The following SNX29 variants were observed in gnomAD, a reference collection of about 807,000 sequenced individuals.
SNX29 encodes the protein sorting nexin 29.
In SNX29, 78 loss-of-function variants were observed where a neutral mutation model predicts 102.1. The ratio of observed to expected loss-of-function variants is 0.76; its 90% CI spans 0.64 to 0.92. SNX29 has a LOEUF of 0.92. Among genes scored for constraint, SNX29 ranks in the 40% least tolerant of loss-of-function variants. The pLI is 0.00. For synonymous variants in SNX29, 580 were observed against 414.5 expected, an observed-to-expected ratio of 1.40 and a Z score of -4.85; for missense variants, 1,280 against 1,061.7, an observed-to-expected ratio of 1.21 and a Z score of -2.86.
intron 19 of SNX29, among the ~76,000 whole-genome samples, chr16:12,486,631 G>C (rs1403296560): frequency 6.6e-6 from 1 of 152,246 alleles, no homozygotes; most frequent in African/African-American, 2.4e-5. Flanking sequence ...GTCGGCTGTA[G>C]AGGATCCTGG....
At chr16:12,022,113 A>G (rs2057043410) in intron 3 of SNX29, among the ~76,000 whole-genome samples, 1 of 146,636 alleles carries the variant, frequency 6.8e-6, no homozygotes, top group Non-Finnish European at 1.5e-5. Context: ...TTTTTTTTAA[A>G]CAGCTTTATT....
At chr16:12,014,232 A>C (rs1462442191) in intron 3 of SNX29, among the ~76,000 whole-genome samples, 2 of 152,106 alleles carry the variant, frequency 1.3e-5, no homozygotes, top group Non-Finnish European at 2.9e-5. Flanking sequence ...TCACGCCTGC[A>C]TCCAGGGGCT....
At chr16:12,004,184 A>G (rs1167328665) in intron 3 of SNX29, among the ~76,000 whole-genome samples, 3 of 151,880 alleles carry the variant, frequency 2.0e-5, no homozygotes, top group Non-Finnish European at 2.9e-5. Flanking sequence ...TACTAAAAAT[A>G]CAAAAAATTA....
chr16:12,459,506 G>C (rs1397184951), intron 18 of SNX29, among the ~76,000 whole-genome samples: 2 of 152,204 alleles, frequency 1.3e-5, no homozygotes, highest in East Asian at 3.9e-4. Context: ...AGAAGAGGAA[G>C]TGGATGGCAG....
intron 8 of SNX29, among the ~76,000 whole-genome samples, chr16:12,060,149 A>AT (rs1436860913): frequency 1.3e-5 from 2 of 152,186 alleles, no homozygotes. Context: ...ATTACCAAAA[A>AT]AAAACCAATA....
At chr16:12,490,715 A>G (rs561370940) in intron 19 of SNX29, among the ~76,000 whole-genome samples, 12 of 152,370 alleles carry the variant, frequency 7.9e-5, no homozygotes, top group African/African-American at 2.9e-4. Context: ...CTGTGTTCCC[A>G]CCACACCAAA....
chr16:12,011,015 G>T (rs1014988429), intron 3 of SNX29, among the ~76,000 whole-genome samples: 1 of 151,942 alleles, frequency 6.6e-6, no homozygotes, highest in Non-Finnish European at 1.5e-5. Context: ...CTAGTTTGAG[G>T]TGTTGACTGG....
chr16:12,282,339 A>G (rs747643559), intron 15 of SNX29, among the ~76,000 whole-genome samples: 4 of 152,212 alleles, frequency 2.6e-5, no homozygotes, highest in Non-Finnish European at 5.9e-5. Flanking sequence ...TGGTGGGGAC[A>G]TCACAAACCC....
intron 18 of SNX29, among the ~76,000 whole-genome samples, chr16:12,414,958 A>C (rs898532810): frequency 2.2e-4 from 33 of 152,228 alleles, no homozygotes; most frequent in African/African-American, 6.5e-4. Context: ...CCTAACCTCA[A>C]ATGATCCACC....
intron 13 of SNX29, among the ~76,000 whole-genome samples, chr16:12,154,773 A>G (rs1301403056): frequency 3.3e-5 from 5 of 152,202 alleles, no homozygotes; most frequent in African/African-American, 1.2e-4. Context: ...TTGCTGGTTC[A>G]TAGATGGCAC....
intron 14 of SNX29, among the ~76,000 whole-genome samples, chr16:12,219,098 A>G (rs2077405935): frequency 6.6e-6 from 1 of 152,142 alleles, no homozygotes; most frequent in African/African-American, 2.4e-5. Context: ...TTGCTACTAC[A>G]AAGAGGATTG....
chr16:12,261,537 C>A (rs1177831777), intron 14 of SNX29, among the ~76,000 whole-genome samples: 1 of 134,788 alleles, frequency 7.4e-6, no homozygotes. Context: ...CACGTGTCCC[C>A]GGCTGGAGTA....
chr16:12,494,852 C>A (rs1363119750), intron 19 of SNX29, among the ~76,000 whole-genome samples: 3 of 152,224 alleles, frequency 2.0e-5, no homozygotes, highest in African/African-American at 7.2e-5. Flanking sequence ...TTTTTCCTAT[C>A]CGCAGAAAAT....
intron 18 of SNX29, among the ~76,000 whole-genome samples, chr16:12,442,025 C>T (rs1038132917): frequency 1.3e-5 from 2 of 152,162 alleles, no homozygotes; most frequent in African/African-American, 4.8e-5. Context: ...GGTGATCTGG[C>T]CACCTCAGCC....
At chr16:12,180,153 C>T (rs975400202) in intron 13 of SNX29, among the ~76,000 whole-genome samples, 17 of 152,048 alleles carry the variant, frequency 1.1e-4, no homozygotes, top group Non-Finnish European at 1.9e-4. Flanking sequence ...TCAAATCTAT[C>T]CCTTTCTTCA....
chr16:12,127,300 T>C (rs932368180), intron 12 of SNX29, among the ~76,000 whole-genome samples: 5 of 151,882 alleles, frequency 3.3e-5, no homozygotes, highest in African/African-American at 1.2e-4. Context: ...AAATGAAGTG[T>C]GTAATTCAGT....
intron 20 of SNX29, among the ~76,000 whole-genome samples, chr16:12,526,225 G>T (rs1388227027): frequency 1.3e-5 from 2 of 152,180 alleles, no homozygotes; most frequent in Middle Eastern, 3.2e-3. Flanking sequence ...TAATGGTGTT[G>T]CTGGGTTCAA....
chr16:12,016,891 C>T lies in SNX29; in HGVS notation c.123-10429C>T, dbSNP rs115498313. Among the ~76,000 whole-genome samples, 462 of 152,086 alleles carry T rather than the reference C, an allele frequency of 3.0e-3. 4 individuals are homozygous for T. The highest frequency in any genetic ancestry group is 0.01 in the African/African-American group (434 of 41,478). ...CCTATAATTCTAGCACTTTGGGAGG[C>T]CAGGGCAGGAGGATTGCTTAAGCCC... On this transcript the variant is annotated intron_variant, in intron 3 of 20. Transcript: ENST00000566228.
At position 12,520,435 on chromosome 16, in the gene SNX29, C is replaced by T. The variant is rs116916152; in HGVS notation, c.2179-4267C>T. On this transcript the variant is annotated intron_variant, in intron 19 of 20. Coordinates refer to ENST00000566228, the MANE Select transcript of SNX29 (RefSeq NM_032167.5). ...CCTGATGGAAGGCCCTGCTCAGCCA[C>T]CTCCTAGTCTTGACCCTTTGTGCAA... 7.3e-3 allele frequency among the ~76,000 whole-genome samples: 1,118 copies of T among 152,344 alleles called. 2 individuals are homozygous for T. The highest frequency in any genetic ancestry group is 0.012 in the Non-Finnish European group (829 of 68,026).
Sources: allele counts gnomAD v4.1 joint callset (sites outside exome capture counted in the v4.1 genomes callset), GRCh38; gene constraint gnomAD v4.1.1; transcripts MANE v1.5; gene names NCBI Gene and HGNC (gene_info 2026-07-23, HGNC 2026-07-21).